Variants in AK7 observed in about 807,000 individuals in gnomAD.
The protein encoded by AK7 is ATP-AMP transphosphorylase 7.
A neutral mutation model predicts 96.6 loss-of-function variants in AK7; 78 were observed. The observed-to-expected ratio is 0.81, with a 90% CI of 0.67 to 0.97. AK7 has a LOEUF of 0.97. AK7 is among the 50% of genes least tolerant of loss of function. The pLI is 0.00. For synonymous variants in AK7, 302 were observed against 317.2 expected (o/e 0.95, Z 0.51); for missense variants, 855 against 887.9 (o/e 0.96, Z 0.47).
chr14:96,488,377 G>A lies in AK7; in HGVS notation c.*34G>A. ...AGATCTGGTATTATCTACCTTTACAGAACCACAGATCACTTATTATACTTT... is the reference window on the plus strand; with the variant it reads ...AGATCTGGTATTATCTACCTTTACAAAACCACAGATCACTTATTATACTTT... On this transcript the variant is annotated 3_prime_UTR_variant, in exon 18 of 18. Transcript: ENST00000267584. The A allele has an allele frequency of 6.3e-7, 1 of 1,592,384 alleles. No homozygotes were observed.
intron 7 of AK7, among the ~76,000 whole-genome samples, chr14:96,445,029 C>T (rs1893157891): frequency 6.6e-6 from 1 of 152,178 alleles, no homozygotes. Context: ...CATTAGTTAT[C>T]TTTATGTTGT....
At chr14:96,473,455 G>C (rs183543416) in intron 14 of AK7, among the ~76,000 whole-genome samples, 1 of 150,340 alleles carries the variant, frequency 6.7e-6, no homozygotes, top group African/African-American at 2.5e-5. Context: ...GAGCCACCTT[G>C]CCCAGGCTCT....
intron 16 of AK7, among the ~76,000 whole-genome samples, chr14:96,484,431 C>T (rs1895668784): frequency 6.6e-6 from 1 of 152,206 alleles, no homozygotes; most frequent in African/African-American, 2.4e-5. Context: ...TGCAGACCCA[C>T]TATGGCCATT....
At chr14:96,468,499 G>A (rs1271799461) in intron 12 of AK7, among the ~76,000 whole-genome samples, 5 of 151,752 alleles carry the variant, frequency 3.3e-5, no homozygotes, top group African/African-American at 9.7e-5. Flanking sequence ...GGATTTCACC[G>A]TGTTAGCCAG....
At chr14:96,422,806 T>C (rs1428623227) in intron 5 of AK7, among the ~76,000 whole-genome samples, 2 of 152,240 alleles carry the variant, frequency 1.3e-5, no homozygotes, top group African/African-American at 2.4e-5. Context: ...GCAAAATTCA[T>C]CATTTTGACA....
At chr14:96,475,364 G>A (rs1351164332) in intron 14 of AK7, among the ~76,000 whole-genome samples, 3 of 152,128 alleles carry the variant, frequency 2.0e-5, no homozygotes, top group South Asian at 2.1e-4. Context: ...TTGGTCAGGC[G>A]GCAGAAGCAA....
intron 15 of AK7, among the ~76,000 whole-genome samples, chr14:96,479,831 G>A (rs1185275640): frequency 6.6e-6 from 1 of 152,134 alleles, no homozygotes; most frequent in Non-Finnish European, 1.5e-5. Context: ...TCCTGGCCAG[G>A]CCCACACCTT....
intron 4 of AK7, among the ~76,000 whole-genome samples, chr14:96,417,783 AC>A (rs902513214): frequency 9.9e-5 from 15 of 151,918 alleles, no homozygotes; most frequent in African/African-American, 3.6e-4. Flanking sequence ...GTCATTCACA[AC>A]TCTGATATAT....
intron 5 of AK7, among the ~76,000 whole-genome samples, chr14:96,434,172 T>C (rs1892510380): frequency 6.6e-6 from 1 of 152,246 alleles, no homozygotes; most frequent in South Asian, 2.1e-4. Context: ...GTCTTCACCG[T>C]CTGGGCTTGT....
intron 11 of AK7, 52 bp downstream of exon 11, chr14:96,456,527 C>A: frequency 6.3e-7 from 1 of 1,584,294 alleles, no homozygotes; most frequent in South Asian, 1.1e-5. Context: ...CTGTATTGTT[C>A]TTAGGGTATA....
intron 5 of AK7, among the ~76,000 whole-genome samples, chr14:96,434,133 G>A (rs1041762050): frequency 4.6e-5 from 7 of 152,132 alleles, no homozygotes; most frequent in African/African-American, 1.2e-4. Flanking sequence ...TTCAGTATCT[G>A]GGCATTGTAG....
At chr14:96,469,101 C>T (rs533117640) in intron 12 of AK7, among the ~76,000 whole-genome samples, 18 of 152,134 alleles carry the variant, frequency 1.2e-4, no homozygotes, top group African/African-American at 1.9e-4. Flanking sequence ...ACTTTCGTTC[C>T]GAATCAAGCA....
intron 12 of AK7, among the ~76,000 whole-genome samples, chr14:96,463,719 C>CAAAAA (rs35376666): frequency 2.4e-5 from 2 of 83,776 alleles, no homozygotes; most frequent in Non-Finnish European, 4.5e-5. Flanking sequence ...TACTCTGTCT[C>CAAAAA]AAAAAAAAAA....
At position 96,478,598 on chromosome 14, in the gene AK7, C is replaced by A. The variant is rs773469487; in HGVS notation, c.1689C>A (p.Ile563=). 6.2e-7 allele frequency: 1 copy of A among 1,614,214 alleles called. No individual in the cohort carries two copies. Among genetic ancestry groups the A allele is most frequent in the Non-Finnish European group, 8.5e-7 (1 of 1,180,028 alleles). The part of the protein sequence containing the change: ...FLRALSNYRD[I]NIDDETVFNY... ...GGGCTCTGAGCAACTACCGGGACAT[C>A]AATATCGACGATGAGACTGTCTTCA... is the stretch of plus-strand genomic sequence containing the variant. The change falls in exon 15 of 18, where the codon ATC becomes ATA. Residue 563 remains isoleucine (I), a synonymous_variant. Coordinates refer to ENST00000267584, the MANE Select transcript of AK7 (RefSeq NM_152327.5).
chr14:96,415,774 A>T (rs574588184), intron 4 of AK7, among the ~76,000 whole-genome samples: 47 of 145,308 alleles, frequency 3.2e-4, no homozygotes, highest in East Asian at 7.8e-4. Context: ...TTAATTAATT[A>T]AATTAATTTA....
chr14:96,488,387 T>TCA lies in AK7; in HGVS notation c.*46_*47dup. The TCA allele has an allele frequency of 6.4e-7, 1 of 1,567,988 alleles. No homozygotes were observed. Among genetic ancestry groups the TCA allele is most frequent in the Non-Finnish European group, 8.7e-7 (1 of 1,146,962 alleles). ...TTATCTACCTTTACAGAACCACAGA[T>TCA]CACTTATTATACTTTGAAAAATTGC... is the stretch of plus-strand genomic sequence containing the variant. On this transcript the variant is annotated 3_prime_UTR_variant, in exon 18 of 18. Coordinates refer to ENST00000267584, the MANE Select transcript of AK7 (RefSeq NM_152327.5).
In AK7 at chr14:96,404,786, C is replaced by A. The variant is rs1230048978; in HGVS notation, c.324C>A (p.Arg108=). The A allele has an allele frequency of 2.5e-6, 4 of 1,609,232 alleles. No individual in the cohort carries two copies. The highest frequency in any genetic ancestry group is 3.4e-6 in the Non-Finnish European group (4 of 1,176,118). ...TCTCTCGAGAAGACCTTCTCATGCG[C>A]CTGCTGGAGTGTGATGTTATTATTT... ...SAISREDLLM[R]LLECDVIIYN... is the part of the protein sequence containing the mutation. Residue 108 remains arginine, a synonymous_variant, in exon 3 of 18, where the codon CGC becomes CGA. Coordinates refer to ENST00000267584, the MANE Select transcript of AK7 (RefSeq NM_152327.5).
chr14:96,406,056 CA>C (rs1276214681), intron 3 of AK7, among the ~76,000 whole-genome samples: 8 of 95,134 alleles, frequency 8.4e-5, no homozygotes, highest in Non-Finnish European at 1.7e-4. Context: ...AAAGCAACCT[CA>C]TTTTTTTTTT....
chr14:96,400,142 G>C (rs932502748), intron 2 of AK7, among the ~76,000 whole-genome samples: 1 of 146,054 alleles, frequency 6.8e-6, no homozygotes, highest in Non-Finnish European at 1.5e-5. Context: ...GGGTTCAAGC[G>C]ATTCTCCTGC....
Sources: allele counts gnomAD v4.1 joint callset (sites outside exome capture counted in the v4.1 genomes callset), GRCh38; gene constraint gnomAD v4.1.1; transcripts MANE v1.5; gene names NCBI Gene and HGNC (gene_info 2026-07-23, HGNC 2026-07-21).